GUCY2F: variants seen among roughly 807,000 people sequenced by gnomAD.
GUCY2F encodes the protein guanylate cyclase 2F, retinal, also known as retinal guanylyl cyclase 2.
Under a neutral mutation model 73.1 loss-of-function variants are expected in GUCY2F, and 61 were observed. The ratio of observed to expected loss-of-function variants is 0.83; its 90% CI spans 0.68 to 1.03. The LOEUF is 1.03. Among genes scored for constraint, GUCY2F ranks in the 50% least tolerant of loss-of-function variants. GUCY2F has a pLI of 0.00. For synonymous variants in GUCY2F, 331 were observed against 307.8 expected, an observed-to-expected ratio of 1.08 and a Z score of -0.79; for missense variants, 912 against 854.3, an observed-to-expected ratio of 1.07 and a Z score of -0.84.
intron 2 of GUCY2F, among the ~76,000 whole-genome samples, chrX:109,473,915 T>G (rs1603386458): frequency 8.9e-6 from 1 of 112,581 alleles, no homozygotes; most frequent in African/African-American, 3.2e-5. Flanking sequence ...CAAATGATTT[T>G]ATGTCTTTCA....
intron 9 of GUCY2F, 133 bp downstream of exon 9, chrX:109,408,859 A>T (rs894738137): frequency 2.2e-6 from 1 of 458,016 alleles, no homozygotes; most frequent in African/African-American, 2.4e-5. Context: ...CTTTATCAGC[A>T]GCATGAAAAT....
chrX:109,380,313 C>T (rs1044419531), intron 17 of GUCY2F, among the ~76,000 whole-genome samples: 6 of 111,445 alleles, frequency 5.4e-5, no homozygotes, highest in African/African-American at 6.5e-5. Flanking sequence ...AGTGTGCTGG[C>T]GACATGGTCT....
intron 8 of GUCY2F, among the ~76,000 whole-genome samples, chrX:109,426,470 G>T (rs1038363258): frequency 2.7e-5 from 3 of 112,114 alleles, no homozygotes; most frequent in African/African-American, 6.5e-5. Context: ...CTCACTGCAA[G>T]CTCCGCCTCC....
intron 3 of GUCY2F, among the ~76,000 whole-genome samples, chrX:109,459,145 G>A (rs1463094794): frequency 9.0e-6 from 1 of 110,771 alleles, no homozygotes; most frequent in Non-Finnish European, 1.9e-5. Context: ...CTCAAACAAA[G>A]AGAACAAGGA....
At position 109,453,734 on chromosome X, in the gene GUCY2F, C is replaced by A. The variant is rs779672566; in HGVS notation, c.1158G>T (p.Gln386His). 1.3e-5 allele frequency: 15 copies of A among 1,196,136 alleles called. No individual in the cohort carries two copies. The highest frequency in any genetic ancestry group is 1.1e-6 in the Non-Finnish European group (1 of 882,370). The stretch of plus-strand genomic sequence containing the variant: ...TCATCAACTGGTTGAATCCATGGAA[C>A]TGCATGTTTCTGGAATGCTGAACCA... ...ASLVQHSRNMQFHGFNQLMRT... is the reference protein window; with the variant it reads ...ASLVQHSRNMHFHGFNQLMRT... The change falls in exon 4 of 20, where the codon CAG (glutamine) becomes CAT (histidine). Residue 386 changes from glutamine to histidine, a missense_variant. Coordinates refer to ENST00000218006, the MANE Select transcript of GUCY2F (RefSeq NM_001522.3).
chrX:109,387,066 C>G (rs953500551), intron 15 of GUCY2F, among the ~76,000 whole-genome samples: 70 of 111,839 alleles, frequency 6.3e-4, no homozygotes, highest in African/African-American at 2.2e-3. Flanking sequence ...CAAGGAAACA[C>G]AGATTATGCT....
chrX:109,409,080 G>C lies in GUCY2F; in HGVS notation c.1880C>G (p.Ser627Cys). Residue 627 changes from serine (S) to cysteine (C), a missense_variant, in exon 9 of 20, where the codon TCC becomes TGC. Ser to Cys is a moderately radical substitution (Grantham distance 112, BLOSUM62 -1). Coordinates refer to ENST00000218006, the MANE Select transcript of GUCY2F (RefSeq NM_001522.3). ...GMFAIVTEFC[S>C]RGSLEDILTN... is the part of the protein sequence containing the mutation. ...CAGTATGTCTTCTAGGCTCCCTCGG[G>C]AACAGAATTCTGTCACAATGGCAAA... 1 of 1,097,034 alleles carries C rather than the reference G, an allele frequency of 9.1e-7. No homozygotes were observed. Among genetic ancestry groups the C allele is most frequent in the Non-Finnish European group, 1.3e-6 (1 of 790,959 alleles). The allele number at this position is 1,097,034 out of a possible 1,213,427, so 90.4% of individuals were successfully genotyped here. A position where few individuals can be genotyped will look rare whatever the true frequency, so the allele number is the denominator to read the frequency against.
At chrX:109,398,736 T>C in intron 10 of GUCY2F, 38 bp from the exon 11 acceptor site, 1 of 1,151,661 alleles carries the variant, frequency 8.7e-7, no homozygotes, top group South Asian at 1.9e-5. Context: ...GCAGGGAGGA[T>C]TAACTGACAA....
At chrX:109,399,162 T>C (rs1041997903) in intron 10 of GUCY2F, among the ~76,000 whole-genome samples, 2 of 112,660 alleles carry the variant, frequency 1.8e-5, no homozygotes, top group African/African-American at 6.5e-5. Flanking sequence ...GGATTAGAGT[T>C]ACCCCAGCCT....
intron 8 of GUCY2F, among the ~76,000 whole-genome samples, chrX:109,415,101 T>TA (rs113343048): frequency 2.9e-4 from 30 of 105,057 alleles, no homozygotes; most frequent in Non-Finnish European, 3.2e-4. Flanking sequence ...AAAAATATAT[T>TA]AAAAAAAAAA....
chrX:109,475,622 C>G lies in GUCY2F; in HGVS notation c.315G>C (p.Gln105His), dbSNP rs113525585. The change falls in exon 2 of 20, where the codon CAG (glutamine) becomes CAC (histidine). Residue 105 changes from glutamine (Q) to histidine (H), a missense_variant. Transcript: ENST00000218006. ...TGAAACTGGAGAGAGCCCTCGAAGT[C>G]TGGCAGTCTTCATTGAGAATCACGT... is the stretch of plus-strand genomic sequence containing the variant. ...FEYVILNEDC[Q>H]TSRALSSFIS... 2.1e-3 allele frequency: 2,581 copies of G among 1,208,559 alleles called. 24 individuals carry two copies. The African/African-American group carries it at 0.034, about 16-fold the overall frequency.
At chrX:109,388,690 C>G in intron 14 of GUCY2F, 27 bp from the exon 15 acceptor site, 2 of 1,065,308 alleles carry the variant, frequency 1.9e-6, no homozygotes, top group Non-Finnish European at 2.6e-6. Flanking sequence ...ATAGAATTAG[C>G]AAACAACTTA....
At chrX:109,447,973 C>A in intron 6 of GUCY2F, 96 bp downstream of exon 6, 1 of 463,505 alleles carries the variant, frequency 2.2e-6, no homozygotes, top group Admixed American at 3.1e-5. Flanking sequence ...TAGCACATCA[C>A]AATTCAGACT....
At chrX:109,404,577 T>C (rs1930931491) in intron 9 of GUCY2F, 93 bp from the exon 10 acceptor site, 1 of 623,207 alleles carries the variant, frequency 1.6e-6, no homozygotes. Context: ...GCATGAGCTA[T>C]TATGATCCAG....
At chrX:109,432,386 C>A (rs1178357817) in intron 7 of GUCY2F, among the ~76,000 whole-genome samples, 1 of 111,928 alleles carries the variant, frequency 8.9e-6, no homozygotes, top group African/African-American at 3.3e-5. Context: ...CTTCAGAGAA[C>A]TTTGTCCTTT....
At chrX:109,405,782 C>G (rs1362232019) in intron 9 of GUCY2F, among the ~76,000 whole-genome samples, 1 of 111,557 alleles carries the variant, frequency 9.0e-6, no homozygotes, top group East Asian at 2.8e-4. Context: ...GCTTAGCTTA[C>G]AGTGTGAGCA....
At chrX:109,468,352 C>A (rs754608280) in intron 2 of GUCY2F, among the ~76,000 whole-genome samples, 1 of 112,252 alleles carries the variant, frequency 8.9e-6, no homozygotes, top group South Asian at 3.7e-4. Context: ...TATCCTTGTA[C>A]ATATTATGCA....
At chrX:109,401,717 T>C (rs16985728) in intron 10 of GUCY2F, among the ~76,000 whole-genome samples, 14,504 of 110,047 alleles carry the variant, frequency 0.13, 2,310 homozygotes, top group African/African-American at 0.45. Context: ...CCTGAAGGAT[T>C]ATAAAGAGGG....
At chrX:109,403,852 A>T (rs1190339287) in intron 10 of GUCY2F, among the ~76,000 whole-genome samples, 1 of 112,413 alleles carries the variant, frequency 8.9e-6, no homozygotes, top group Non-Finnish European at 1.9e-5. Flanking sequence ...GTTCTGCCTG[A>T]AGCCTTCCCA....
Sources: allele counts gnomAD v4.1 joint callset (sites outside exome capture counted in the v4.1 genomes callset), GRCh38; gene constraint gnomAD v4.1.1; transcripts MANE v1.5; gene names NCBI Gene and HGNC (gene_info 2026-07-23, HGNC 2026-07-21).